Variants in CDH18 observed in about 807,000 individuals in gnomAD.
CDH18 encodes the protein cadherin 18.
Under a neutral mutation model 67.9 loss-of-function variants are expected in CDH18, and 31 were observed. That is an observed-to-expected ratio of 0.46 (90% confidence interval 0.34 to 0.62). CDH18 has a LOEUF of 0.62. Among genes scored for constraint, CDH18 ranks in the 20% least tolerant of loss-of-function variants. The pLI is 0.01. For missense variants in CDH18, 890 were observed against 975.5 expected (o/e 0.91, Z 1.17); for synonymous variants, 362 against 347.2 (o/e 1.04, Z -0.48).
In CDH18 at chr5:19,537,752, TATGA is replaced by T. The variant is rs577051563; in HGVS notation, c.1390+6113_1390+6116del. On this transcript the variant is annotated intron_variant, in intron 9 of 12. Coordinates refer to ENST00000382275, the MANE Select transcript of CDH18 (RefSeq NM_004934.5). ...ATGCAATTATCTACTTACCTTGTCT[TATGA>T]ATAACACTCAAATGCCTCAAAGGCA... Among the ~76,000 whole-genome samples the T allele has an allele frequency of 1.6e-3, 249 of 152,322 alleles. 1 individual carries two copies. Among genetic ancestry groups the T allele is most frequent in the Middle Eastern group, 0.01 (3 of 294 alleles).
At chr5:19,587,594 T>C (rs768356788) in intron 7 of CDH18, among the ~76,000 whole-genome samples, 1 of 152,048 alleles carries the variant, frequency 6.6e-6, no homozygotes, top group Admixed American at 6.6e-5. Context: ...AAAGATCAGA[T>C]AGTGGTAAGT....
At chr5:19,626,814 T>C (rs940618453) in intron 5 of CDH18, among the ~76,000 whole-genome samples, 1 of 152,194 alleles carries the variant, frequency 6.6e-6, no homozygotes, top group Non-Finnish European at 1.5e-5. Flanking sequence ...ACTAGGACTA[T>C]AATAGTGATA....
intron 1 of CDH18, among the ~76,000 whole-genome samples, chr5:20,331,673 G>A (rs558813098): frequency 4.5e-4 from 69 of 152,174 alleles, no homozygotes; most frequent in African/African-American, 1.6e-3. Context: ...TATTGACAAG[G>A]TAATCTTTGA....
At chr5:19,724,108 C>T (rs534533543) in intron 4 of CDH18, among the ~76,000 whole-genome samples, 60 of 152,242 alleles carry the variant, frequency 3.9e-4, no homozygotes, top group South Asian at 8.3e-4. Context: ...CACTGGAAAC[C>T]ATCCTGATGT....
chr5:19,822,276 A>C (rs1446390205), intron 3 of CDH18, among the ~76,000 whole-genome samples: 3 of 152,184 alleles, frequency 2.0e-5, no homozygotes, highest in African/African-American at 7.2e-5. Context: ...GATAGAGAAA[A>C]ATCTGTCATG....
At chr5:20,223,172 G>A (rs928933981) in intron 2 of CDH18, among the ~76,000 whole-genome samples, 1 of 152,068 alleles carries the variant, frequency 6.6e-6, no homozygotes, top group African/African-American at 2.4e-5. Context: ...CACAGGGATG[G>A]AGCTGCCCAA....
At chr5:20,135,043 G>A (rs1285543863) in intron 2 of CDH18, among the ~76,000 whole-genome samples, 1 of 152,136 alleles carries the variant, frequency 6.6e-6, no homozygotes, top group Non-Finnish European at 1.5e-5. Context: ...CCATGAGAGA[G>A]AAGAAAGGTG....
At chr5:20,300,076 G>T (rs1001366624) in intron 1 of CDH18, among the ~76,000 whole-genome samples, 2 of 151,950 alleles carry the variant, frequency 1.3e-5, no homozygotes, top group Non-Finnish European at 1.5e-5. Flanking sequence ...TATTTGCAGT[G>T]TGACACTTAA....
rs537735953 is a variant in CDH18, at chr5:19,746,410, C to A, written c.523+532G>T. ...ATGATATTCAAAATACTTCACGGGG[C>A]TGTCATATATTTTTAAATAAATAAG... is the stretch of plus-strand genomic sequence containing the variant. On this transcript the variant is annotated intron_variant, in intron 4 of 12. Coordinates refer to ENST00000382275, the MANE Select transcript of CDH18 (RefSeq NM_004934.5). 1.4e-4 allele frequency among the ~76,000 whole-genome samples: 21 copies of A among 152,226 alleles called. No homozygotes were observed. The Middle Eastern group carries it at 0.01, about 74-fold the overall frequency.
chr5:20,355,718 A>G (rs997428505), intron 1 of CDH18, among the ~76,000 whole-genome samples: 3 of 152,220 alleles, frequency 2.0e-5, no homozygotes, highest in Non-Finnish European at 4.4e-5. Flanking sequence ...CTACTTTTGT[A>G]TATTTATAGC....
At chr5:20,192,666 T>C (rs1435793398) in intron 2 of CDH18, among the ~76,000 whole-genome samples, 1 of 152,046 alleles carries the variant, frequency 6.6e-6, no homozygotes, top group Non-Finnish European at 1.5e-5. Flanking sequence ...GTTGTAGACG[T>C]GTAGTGTTAT....
chr5:20,222,444 T>C (rs1365399151), intron 2 of CDH18, among the ~76,000 whole-genome samples: 1 of 152,156 alleles, frequency 6.6e-6, no homozygotes, highest in Non-Finnish European at 1.5e-5. Flanking sequence ...GTATATGGTA[T>C]ATGTAGGATT....
At chr5:19,888,036 G>C (rs1315731293) in intron 2 of CDH18, among the ~76,000 whole-genome samples, 1 of 152,080 alleles carries the variant, frequency 6.6e-6, no homozygotes, top group African/African-American at 2.4e-5. Context: ...GTATAGGTAG[G>C]TTCTAATCTC....
chr5:19,922,210 C>A (rs997660351), intron 2 of CDH18, among the ~76,000 whole-genome samples: 5 of 152,072 alleles, frequency 3.3e-5, no homozygotes, highest in Non-Finnish European at 7.4e-5. Context: ...AAATAAACTG[C>A]TAGTGATAAT....
chr5:19,486,794 CTAAATAAA>C (rs199784033), intron 11 of CDH18, among the ~76,000 whole-genome samples: 2 of 150,356 alleles, frequency 1.3e-5, no homozygotes, highest in African/African-American at 2.4e-5. Flanking sequence ...GACTCTGTCT[CTAAATAAA>C]TAAATAAATA....
At chr5:19,933,772 G>A (rs994429302) in intron 2 of CDH18, among the ~76,000 whole-genome samples, 5 of 151,354 alleles carry the variant, frequency 3.3e-5, no homozygotes, top group East Asian at 1.9e-4. Flanking sequence ...ACATTTTAGC[G>A]TCCATTTCTG....
intron 5 of CDH18, among the ~76,000 whole-genome samples, chr5:19,655,009 TA>T (rs1285251285): frequency 6.6e-6 from 1 of 152,082 alleles, no homozygotes; most frequent in African/African-American, 2.4e-5. Flanking sequence ...GGGTACAGGA[TA>T]GGGGGGTGTG....
intron 1 of CDH18, among the ~76,000 whole-genome samples, chr5:20,497,728 A>G (rs1753995259): frequency 6.6e-6 from 1 of 152,184 alleles, no homozygotes; most frequent in Admixed American, 6.6e-5. Flanking sequence ...CATGAAAAAT[A>G]AAAGAGACCC....
chr5:19,808,021 C>A (rs1017769319), intron 3 of CDH18, among the ~76,000 whole-genome samples: 3 of 151,948 alleles, frequency 2.0e-5, no homozygotes, highest in Admixed American at 6.6e-5. Flanking sequence ...TAGTATTCAA[C>A]CTTTGTCAAA....
Sources: allele counts gnomAD v4.1 joint callset (sites outside exome capture counted in the v4.1 genomes callset), GRCh38; gene constraint gnomAD v4.1.1; transcripts MANE v1.5; gene names NCBI Gene and HGNC (gene_info 2026-07-23, HGNC 2026-07-21).